The following IGSF21 variants were observed in gnomAD, a reference collection of about 807,000 sequenced individuals.
The protein encoded by IGSF21 is immunoglobulin superfamily member 21.
A neutral mutation model predicts 46.8 loss-of-function variants in IGSF21; 28 were observed. That is an observed-to-expected ratio of 0.60 (90% CI 0.44 to 0.82). The LOEUF (loss-of-function observed/expected upper bound fraction) is 0.82. Among genes scored for constraint, IGSF21 ranks in the 40% least tolerant of loss-of-function variants. The pLI is 0.00. For synonymous variants in IGSF21, 284 were observed against 273.6 expected (o/e 1.04, Z -0.38); for missense variants, 624 against 665.5 (o/e 0.94, Z 0.69).
chr1:18,366,115 C>T (rs1243773091), intron 6 of IGSF21, among the ~76,000 whole-genome samples: 1 of 151,686 alleles, frequency 6.6e-6, no homozygotes, highest in African/African-American at 2.4e-5. Flanking sequence ...TGGGGAAAAG[C>T]AAGGGAGTCA....
At chr1:18,231,922 C>CGTGTGTGT (rs150869622) in intron 2 of IGSF21, among the ~76,000 whole-genome samples, 5,816 of 136,410 alleles carry the variant, frequency 0.043, 250 homozygotes, top group East Asian at 0.14. Context: ...ATCATTAGAT[C>CGTGTGTGT]GTGTGTGTGT....
chr1:18,175,077 C>A (rs1217019158), intron 1 of IGSF21, among the ~76,000 whole-genome samples: 1 of 152,180 alleles, frequency 6.6e-6, no homozygotes, highest in African/African-American at 2.4e-5. Context: ...GACTCCCAGC[C>A]TCTCCCCTAC....
intron 2 of IGSF21, among the ~76,000 whole-genome samples, chr1:18,242,276 A>G (rs1018715290): frequency 1.3e-5 from 2 of 152,036 alleles, no homozygotes; most frequent in South Asian, 4.1e-4. Context: ...CTTCTCCCCC[A>G]CGCTGCCTCC....
In IGSF21 at chr1:18,230,906, C is replaced by T. The variant is rs533148721; in HGVS notation, c.183+2896C>T. Among the ~76,000 whole-genome samples the T allele has an allele frequency of 5.7e-4, 86 of 152,046 alleles. 1 individual carries two copies. In the South Asian group the frequency reaches 0.017, roughly 29 times the overall value. On this transcript the variant is annotated intron_variant, in intron 2 of 9. Coordinates refer to ENST00000251296, the MANE Select transcript of IGSF21 (RefSeq NM_032880.5). ...CGAACCCCCCACTGTGGCTTCCTTC[C>T]CCATCTCCCTCTCCCCGCAGCCTGC...
intron 2 of IGSF21, among the ~76,000 whole-genome samples, chr1:18,270,290 G>A (rs2085030151): frequency 6.6e-6 from 1 of 152,216 alleles, no homozygotes; most frequent in Non-Finnish European, 1.5e-5. Context: ...ACAGTTCTGA[G>A]ATTTTCTTCC....
At chr1:18,261,807 GC>G (rs1286880580) in intron 2 of IGSF21, among the ~76,000 whole-genome samples, 1 of 152,184 alleles carries the variant, frequency 6.6e-6, no homozygotes, top group Non-Finnish European at 1.5e-5. Flanking sequence ...TTCCCCTGAA[GC>G]CCCCCGACCC....
intron 1 of IGSF21, among the ~76,000 whole-genome samples, chr1:18,137,151 G>A (rs1570257192): frequency 6.6e-6 from 1 of 152,164 alleles, no homozygotes; most frequent in African/African-American, 2.4e-5. Flanking sequence ...GAAAGTGAAG[G>A]GGGAGCAGGT....
intron 2 of IGSF21, among the ~76,000 whole-genome samples, chr1:18,237,375 C>T (rs1350155778): frequency 6.6e-6 from 1 of 152,152 alleles, no homozygotes; most frequent in African/African-American, 2.4e-5. Flanking sequence ...GAGCGCTTCC[C>T]GTCCAGTTGC....
intron 1 of IGSF21, among the ~76,000 whole-genome samples, chr1:18,161,122 T>C (rs550087735): frequency 1.3e-5 from 2 of 151,964 alleles, no homozygotes; most frequent in South Asian, 4.2e-4. Flanking sequence ...ATCTCAGGGG[T>C]CCAGGTAAGG....
chr1:18,161,602 A>G (rs569970152), intron 1 of IGSF21, among the ~76,000 whole-genome samples: 1 of 152,264 alleles, frequency 6.6e-6, no homozygotes, highest in South Asian at 2.1e-4. Flanking sequence ...ACAAGCCTGA[A>G]CCCTCAGCAA....
At chr1:18,247,017 G>A (rs541343091) in intron 2 of IGSF21, among the ~76,000 whole-genome samples, 2 of 150,854 alleles carry the variant, frequency 1.3e-5, no homozygotes, top group South Asian at 4.2e-4. Flanking sequence ...GAGACGTGAT[G>A]TGAATTCCCA....
chr1:18,342,812 C>T (rs1035367023), intron 4 of IGSF21, among the ~76,000 whole-genome samples: 4 of 152,174 alleles, frequency 2.6e-5, no homozygotes, highest in African/African-American at 7.2e-5. Context: ...ATGGATAGAT[C>T]GCGTTTTGTT....
At chr1:18,160,284 G>C (rs2086605955) in intron 1 of IGSF21, among the ~76,000 whole-genome samples, 1 of 152,186 alleles carries the variant, frequency 6.6e-6, no homozygotes, top group Admixed American at 6.5e-5. Flanking sequence ...GTCCTTCTGA[G>C]CCTTCCTATA....
chr1:18,231,256 A>G (rs188536364), intron 2 of IGSF21, among the ~76,000 whole-genome samples: 93 of 152,320 alleles, frequency 6.1e-4, no homozygotes, highest in African/African-American at 2.1e-3. Context: ...CTGTCAGAAA[A>G]CATCATGAAT....
intron 2 of IGSF21, among the ~76,000 whole-genome samples, chr1:18,241,597 G>A (rs115366776): frequency 2.6e-4 from 39 of 152,350 alleles, no homozygotes; most frequent in African/African-American, 9.1e-4. Context: ...TTCCCCCTGA[G>A]CGATGGGCAG....
intron 2 of IGSF21, among the ~76,000 whole-genome samples, chr1:18,246,427 C>A (rs1221877374): frequency 6.6e-6 from 1 of 152,090 alleles, no homozygotes; most frequent in Admixed American, 6.5e-5. Context: ...ATCTTGTAAT[C>A]TCCCTTCACC....
intron 1 of IGSF21, among the ~76,000 whole-genome samples, chr1:18,199,896 C>T (rs1294306775): frequency 6.8e-6 from 1 of 146,778 alleles, no homozygotes; most frequent in Admixed American, 6.8e-5. Flanking sequence ...CTCCCGGCCC[C>T]CCCCTACCCC....
In IGSF21 at chr1:18,249,826, A is replaced by G. The variant is rs1358534493; in HGVS notation, c.183+21816A>G. Among the ~76,000 whole-genome samples, 4 of 152,296 alleles carry G rather than the reference A, an allele frequency of 2.6e-5. No individual in the cohort carries two copies. The East Asian group carries it at 7.7e-4, about 29-fold the overall frequency. On this transcript the variant is annotated intron_variant, in intron 2 of 9. Transcript: ENST00000251296. ...ACTGGCACGGGTGCTGGCAACAGTCAGACTGCACCCCAGGCCCTGGCTCTG... is the reference window on the plus strand; with the variant it reads ...ACTGGCACGGGTGCTGGCAACAGTCGGACTGCACCCCAGGCCCTGGCTCTG...
At chr1:18,216,641 G>A (rs1483151918) in intron 1 of IGSF21, among the ~76,000 whole-genome samples, 2 of 152,058 alleles carry the variant, frequency 1.3e-5, no homozygotes, top group South Asian at 2.1e-4. Flanking sequence ...GAATTGATCC[G>A]TCTTAGAGAC....
Sources: gnomAD v4.1 joint callset for allele counts (sites outside exome capture counted in the v4.1 genomes callset) on GRCh38, gnomAD v4.1.1 for gene constraint, MANE v1.5 for transcripts, NCBI Gene and HGNC (gene_info 2026-07-23, HGNC 2026-07-21) for gene names.